The following FTO variants were observed in gnomAD, a reference collection of about 807,000 sequenced individuals.
FTO encodes the protein alpha-ketoglutarate-dependent dioxygenase FTO.
In FTO, 47 loss-of-function variants were observed where a neutral mutation model predicts 63.9. The observed-to-expected ratio is 0.74, with a 90% CI of 0.58 to 0.94. The LOEUF (loss-of-function observed/expected upper bound fraction) is 0.94, where lower values mean the gene tolerates loss of function less well. Ranked by LOEUF, FTO falls within the 40% of genes least tolerant of loss-of-function variation. The pLI is 0.00. For missense variants in FTO, 562 were observed against 618.1 expected, an observed-to-expected ratio of 0.91 and a Z score of 0.96; for synonymous variants, 207 against 224.4, an observed-to-expected ratio of 0.92 and a Z score of 0.69.
At chr16:53,751,193 A>G (rs2076781102) in intron 1 of FTO, among the ~76,000 whole-genome samples, 2 of 151,978 alleles carry the variant, frequency 1.3e-5, no homozygotes, top group African/African-American at 4.8e-5. Context: ...AGATCACTTG[A>G]GCTCAGGAGT....
At chr16:53,862,660 C>T (rs981485945) in intron 4 of FTO, among the ~76,000 whole-genome samples, 33 of 151,372 alleles carry the variant, frequency 2.2e-4, no homozygotes, top group East Asian at 1.9e-4. Context: ...CTCTGCCTCC[C>T]GAGTAGTTGG....
chr16:54,063,098 G>A (rs1488895319), intron 8 of FTO, among the ~76,000 whole-genome samples: 1 of 152,214 alleles, frequency 6.6e-6, no homozygotes, highest in African/African-American at 2.4e-5. Context: ...AAGTAGAACT[G>A]TGGATGTTGT....
chr16:54,111,733 G>A, intron 8 of FTO, 29 bp from the exon 9 acceptor site: 2 of 1,613,856 alleles, frequency 1.2e-6, no homozygotes, highest in Non-Finnish European at 1.7e-6. Context: ...TTCCTCCCGT[G>A]GATTAATTTC....
intron 3 of FTO, among the ~76,000 whole-genome samples, chr16:53,832,576 T>C (rs2079171782): frequency 6.6e-6 from 1 of 152,188 alleles, no homozygotes; most frequent in Admixed American, 6.5e-5. Context: ...TTTCTGTCAC[T>C]AGATGAGTTG....
chr16:54,103,704 A>G (rs1246524174), intron 8 of FTO, among the ~76,000 whole-genome samples: 2 of 152,174 alleles, frequency 1.3e-5, no homozygotes, highest in Non-Finnish European at 2.9e-5. Context: ...CTGGGTGACT[A>G]TTTACTTGTA....
chr16:54,074,241 T>C (rs1233681081), intron 8 of FTO, among the ~76,000 whole-genome samples: 1 of 152,188 alleles, frequency 6.6e-6, no homozygotes, highest in Admixed American at 6.5e-5. Context: ...TAGGAAATAA[T>C]TTTGAGGCTA....
chr16:54,105,994 C>T (rs1464030658), intron 8 of FTO, among the ~76,000 whole-genome samples: 1 of 152,004 alleles, frequency 6.6e-6, no homozygotes, highest in Non-Finnish European at 1.5e-5. Context: ...TACTGTAAAA[C>T]CTATTGATTA....
intron 8 of FTO, among the ~76,000 whole-genome samples, chr16:53,943,024 C>G (rs922506824): frequency 1.3e-5 from 2 of 152,108 alleles, no homozygotes; most frequent in African/African-American, 4.8e-5. Flanking sequence ...CCATCCGGGT[C>G]TTTTTTAAGA....
chr16:53,718,545 C>G (rs2075951210), intron 1 of FTO, among the ~76,000 whole-genome samples: 1 of 151,996 alleles, frequency 6.6e-6, no homozygotes, highest in African/African-American at 2.4e-5. Context: ...TTGTCTAGAA[C>G]CTCCAGTTGG....
chr16:53,727,637 G>C (rs947962092), intron 1 of FTO, among the ~76,000 whole-genome samples: 2 of 152,192 alleles, frequency 1.3e-5, no homozygotes, highest in African/African-American at 2.4e-5. Context: ...GAACCTAACA[G>C]TATTCTGGAA....
chr16:53,736,539 TCTG>T (rs1772535163), intron 1 of FTO, among the ~76,000 whole-genome samples: 1 of 152,162 alleles, frequency 6.6e-6, no homozygotes, highest in African/African-American at 2.4e-5. Context: ...TTCCACTGCC[TCTG>T]CTTAAGTTTA....
At chr16:54,074,942 G>GTGTA (rs139353952) in intron 8 of FTO, among the ~76,000 whole-genome samples, 5,285 of 148,468 alleles carry the variant, frequency 0.036, 287 homozygotes, top group African/African-American at 0.11. Flanking sequence ...GTGTGTGTGT[G>GTGTA]TGTGTGTGTG....
chr16:53,793,731 AAAACAAAC>A (rs144672139), intron 1 of FTO, among the ~76,000 whole-genome samples: 45 of 152,064 alleles, frequency 3.0e-4, no homozygotes, highest in African/African-American at 6.0e-4. Context: ...ACTCCGTCTC[AAAACAAAC>A]AAACAAACAA....
chr16:53,849,848 A>G (rs1341221837), intron 4 of FTO, among the ~76,000 whole-genome samples: 1 of 152,178 alleles, frequency 6.6e-6, no homozygotes, highest in African/African-American at 2.4e-5. Flanking sequence ...GGGACTGAAC[A>G]TGGAAACTGT....
In FTO at chr16:53,888,921, G is replaced by A; in HGVS notation, c.1209G>A (p.Leu403=). ...TDWWCQPMAQ[L]EALWKKMEGV... is the part of the protein sequence containing the mutation. ...GGTGGTGTCAACCCATGGCTCAACTGGAAGCACTGTGGAAGAAGATGGAGG... is the reference window on the plus strand; with the variant it reads ...GGTGGTGTCAACCCATGGCTCAACTAGAAGCACTGTGGAAGAAGATGGAGG... The change falls in exon 7 of 9, where the codon CTG becomes CTA. Residue 403 remains leucine, a synonymous_variant. Coordinates refer to ENST00000471389, the MANE Select transcript of FTO (RefSeq NM_001080432.3). 2 of 1,614,056 alleles carry A rather than the reference G, an allele frequency of 1.2e-6. No individual in the cohort carries two copies. Among genetic ancestry groups the A allele is most frequent in the Non-Finnish European group, 1.7e-6 (2 of 1,179,928 alleles).
intron 8 of FTO, among the ~76,000 whole-genome samples, chr16:53,957,041 C>T (rs17224310): frequency 0.16 from 24,274 of 152,064 alleles, 2,170 homozygotes; most frequent in Admixed American, 0.22. Context: ...TTCAGGGATC[C>T]TTTCCTTAGA....
intron 1 of FTO, among the ~76,000 whole-genome samples, chr16:53,797,012 A>G (rs553213201): frequency 2.3e-4 from 35 of 152,250 alleles, no homozygotes; most frequent in Middle Eastern, 3.4e-3. Context: ...ATTTTCTCGA[A>G]TTTTGCATAA....
chr16:53,981,015 C>A (rs1375581385), intron 8 of FTO, among the ~76,000 whole-genome samples: 1 of 152,132 alleles, frequency 6.6e-6, no homozygotes, highest in East Asian at 1.9e-4. Context: ...ACCCAACAAG[C>A]CATTATTAAA....
At chr16:53,789,927 C>T (rs530192305) in intron 1 of FTO, among the ~76,000 whole-genome samples, 25 of 142,686 alleles carry the variant, frequency 1.8e-4, no homozygotes, top group African/African-American at 5.8e-4. Context: ...TATACATATA[C>T]GTATATACAC....
Sources: allele counts gnomAD v4.1 joint callset (sites outside exome capture counted in the v4.1 genomes callset), GRCh38; gene constraint gnomAD v4.1.1; transcripts MANE v1.5; gene names NCBI Gene and HGNC (gene_info 2026-07-23, HGNC 2026-07-21).